The following SPRR2G variants were observed in gnomAD, a reference collection of about 807,000 sequenced individuals.
The protein encoded by SPRR2G is small proline-rich protein 2G.
In SPRR2G, 1 loss-of-function variant was observed where a neutral mutation model predicts 0.7. That is an observed-to-expected ratio of 1.49 (90% CI 0.53 to 7.06). The LOEUF is 7.06. Ranked by LOEUF, SPRR2G falls within the 30% of genes most tolerant of loss-of-function variation. SPRR2G has a pLI of 0.14. For missense variants in SPRR2G, 96 were observed against 88.5 expected (o/e 1.09, Z -0.34); for synonymous variants, 38 against 33.9 (o/e 1.12, Z -0.42).
the SPRR2G span, among the ~76,000 whole-genome samples, chr1:153,197,144 GTGTGTGTGTGTGTGT>G: frequency 2.8e-5 from 2 of 71,228 alleles, no homozygotes; most frequent in African/African-American, 1.3e-4. Context: ...GTGTGTGTGT[GTGTGTGTGTGTGTGT>G]GTGTGTGTGT....
the SPRR2G span, among the ~76,000 whole-genome samples, chr1:153,200,334 C>T: frequency 6.6e-6 from 1 of 151,928 alleles, no homozygotes; most frequent in African/African-American, 2.4e-5. Flanking sequence ...AGGGCCAACA[C>T]CAGAAAATGA....
At chr1:153,198,189 T>TA in the SPRR2G span, among the ~76,000 whole-genome samples, 39 of 151,924 alleles carry the variant, frequency 2.6e-4, no homozygotes, top group African/African-American at 6.8e-4. Context: ...TTTAAAAAAA[T>TA]AAAAAAAGTC....
chr1:153,195,444 G>T, the SPRR2G span, among the ~76,000 whole-genome samples: 2 of 152,094 alleles, frequency 1.3e-5, no homozygotes, highest in African/African-American at 4.8e-5. Context: ...GACACTGTGT[G>T]GTCAGGACCA....
At position 153,150,082 on chromosome 1, in the gene SPRR2G, T is replaced by G; in HGVS notation, c.29A>C (p.Gln10Pro). 6.2e-7 allele frequency: 1 copy of G among 1,612,772 alleles called. No individual in the cohort carries two copies. Among genetic ancestry groups the G allele is most frequent in the South Asian group, 1.1e-5 (1 of 91,010 alleles). Residue 10 changes from glutamine (Q) to proline (P), a missense_variant, in exon 2 of 2, where the codon CAG becomes CCG. Coordinates refer to ENST00000368748, the MANE Select transcript of SPRR2G (RefSeq NM_001014291.4). The stretch of plus-strand genomic sequence containing the variant: ...GCACACAGGAGGTGGCTGGCAGGGC[T>G]GCTTGCACTGCTGCTGCTGGTAAGA... MSYQQQQCK[Q>P]PCQPPPVCPT... is the part of the protein sequence containing the mutation.
the SPRR2G span, among the ~76,000 whole-genome samples, chr1:153,198,332 T>C: frequency 4.0e-4 from 61 of 152,322 alleles, no homozygotes; most frequent in East Asian, 0.012. Context: ...TCATCTTAAA[T>C]TCAATAGTAA....
the SPRR2G span, among the ~76,000 whole-genome samples, chr1:153,162,753 C>A: frequency 6.6e-6 from 1 of 152,162 alleles, no homozygotes; most frequent in African/African-American, 2.4e-5. Flanking sequence ...GGAATCCTCT[C>A]CCAACTACAT....
At chr1:153,156,581 G>T in the SPRR2G span, among the ~76,000 whole-genome samples, 628 of 152,118 alleles carry the variant, frequency 4.1e-3, 6 homozygotes, top group Middle Eastern at 0.021. Context: ...TTAAATACGC[G>T]CTGTTTTCCC....
At chr1:153,194,628 C>T in the SPRR2G span, among the ~76,000 whole-genome samples, 30 of 152,352 alleles carry the variant, frequency 2.0e-4, no homozygotes, top group South Asian at 6.0e-3. Context: ...AACTCCCCTA[C>T]TCCACTTTCC....
the SPRR2G span, among the ~76,000 whole-genome samples, chr1:153,197,132 A>ATGTGTG: frequency 0.032 from 4,533 of 140,140 alleles, 179 homozygotes; most frequent in East Asian, 0.14. Context: ...CAGGCAGAGA[A>ATGTGTG]TGTGTGTGTG....
At chr1:153,186,087 T>C in the SPRR2G span, among the ~76,000 whole-genome samples, 1 of 152,230 alleles carries the variant, frequency 6.6e-6, no homozygotes, top group Admixed American at 6.5e-5. Context: ...GACTGTTTGT[T>C]ATAATTTCCA....
At chr1:153,166,569 C>G in the SPRR2G span, among the ~76,000 whole-genome samples, 1 of 152,008 alleles carries the variant, frequency 6.6e-6, no homozygotes, top group Non-Finnish European at 1.5e-5. Context: ...GATGCTGCAC[C>G]CTCAAATAAG....
intron 1 of SPRR2G, 57 bp from the exon 2 acceptor site, chr1:153,150,188 A>G (rs1656435996): frequency 6.9e-6 from 11 of 1,593,632 alleles, no homozygotes; most frequent in Non-Finnish European, 9.4e-6. Flanking sequence ...TGGTGGAGCA[A>G]TTAGCTAGGA....
At chr1:153,197,292 T>C in the SPRR2G span, among the ~76,000 whole-genome samples, 1 of 151,996 alleles carries the variant, frequency 6.6e-6, no homozygotes, top group African/African-American at 2.4e-5. Context: ...CTGGATCAGA[T>C]GGCGGCTGTA....
the SPRR2G span, among the ~76,000 whole-genome samples, chr1:153,160,380 C>T: frequency 6.6e-6 from 1 of 152,204 alleles, no homozygotes; most frequent in African/African-American, 2.4e-5. Flanking sequence ...GAGAATGCAG[C>T]TATCTCTTAG....
At chr1:153,154,197 A>C (rs543063578), upstream of SPRR2G, among the ~76,000 whole-genome samples, 15 of 151,396 alleles carry the variant, frequency 9.9e-5, no homozygotes, top group African/African-American at 3.6e-4. Flanking sequence ...CCATCCTTGC[A>C]TCTCAGGGAT....
the SPRR2G span, among the ~76,000 whole-genome samples, chr1:153,181,173 A>G: frequency 3.9e-5 from 6 of 151,996 alleles, no homozygotes; most frequent in Non-Finnish European, 8.8e-5. Context: ...TATGCTTTTT[A>G]TTACCTGATT....
chr1:153,199,161 T>C, the SPRR2G span, among the ~76,000 whole-genome samples: 25 of 152,198 alleles, frequency 1.6e-4, no homozygotes, highest in Middle Eastern at 3.4e-3. Flanking sequence ...TGGTGATTGA[T>C]AAACAGTGAA....
chr1:153,202,505 C>G, the SPRR2G span, among the ~76,000 whole-genome samples: 2 of 152,116 alleles, frequency 1.3e-5, no homozygotes, highest in African/African-American at 4.8e-5. Flanking sequence ...TAGGAAGAAG[C>G]CCTTTTGCTC....
the SPRR2G span, among the ~76,000 whole-genome samples, chr1:153,181,788 A>G: frequency 6.6e-6 from 1 of 151,664 alleles, no homozygotes; most frequent in Non-Finnish European, 1.5e-5. Context: ...TCCATTATAT[A>G]TATATATATA....
Sources: allele counts gnomAD v4.1 joint callset (sites outside exome capture counted in the v4.1 genomes callset), GRCh38; gene constraint gnomAD v4.1.1; transcripts MANE v1.5; gene names NCBI Gene and HGNC (gene_info 2026-07-23, HGNC 2026-07-21).